The following FSD1L variants were observed in gnomAD, a reference collection of about 807,000 sequenced individuals.
The protein encoded by FSD1L is fibronectin type III and SPRY domain containing 1 like.
Under a neutral mutation model 71.6 loss-of-function variants are expected in FSD1L, and 45 were observed. That is an observed-to-expected ratio of 0.63 (90% CI 0.49 to 0.81). The LOEUF (loss-of-function observed/expected upper bound fraction) is 0.81. Ranked by LOEUF, FSD1L falls within the 30% of genes least tolerant of loss-of-function variation. The probability of loss-of-function intolerance (pLI) is 0.00; values close to 1 mark genes in which losing one functional copy is unlikely to be tolerated. For synonymous variants in FSD1L, 197 were observed against 207.2 expected (o/e 0.95, Z 0.42); for missense variants, 561 against 618.1 (o/e 0.91, Z 0.98).
At chr9:105,471,881 A>AG in intron 4 of FSD1L, 23 bp from the exon 5 acceptor site, 2 of 796,576 alleles carry the variant, frequency 2.5e-6, no homozygotes, top group Non-Finnish European at 3.7e-6. Flanking sequence ...TTAATGACTT[A>AG]GTTTTTTTTT....
At chr9:105,546,218 C>T (rs1285213812) in intron 13 of FSD1L, 140 bp from the exon 14 acceptor site, 1 of 719,236 alleles carries the variant, frequency 1.4e-6, no homozygotes, top group Non-Finnish European at 2.1e-6. Flanking sequence ...CATTTCCCCT[C>T]AGCTGAAATA....
intron 1 of FSD1L, among the ~76,000 whole-genome samples, chr9:105,448,960 C>A (rs1829812646): frequency 6.6e-6 from 1 of 152,118 alleles, no homozygotes; most frequent in Non-Finnish European, 1.5e-5. Flanking sequence ...GAGAACAAAG[C>A]CAATGTCTTG....
At chr9:105,450,726 G>T (rs1400229339) in intron 1 of FSD1L, among the ~76,000 whole-genome samples, 1 of 151,566 alleles carries the variant, frequency 6.6e-6, no homozygotes, top group Non-Finnish European at 1.5e-5. Context: ...TAGAGACGGG[G>T]TTTTACCATG....
At chr9:105,501,824 G>C (rs1185173534) in intron 7 of FSD1L, among the ~76,000 whole-genome samples, 2 of 152,008 alleles carry the variant, frequency 1.3e-5, no homozygotes, top group Non-Finnish European at 2.9e-5. Context: ...TACTTTCCAG[G>C]TTATTAAATT....
intron 3 of FSD1L, among the ~76,000 whole-genome samples, chr9:105,466,496 C>T (rs1039900034): frequency 1.3e-5 from 2 of 152,042 alleles, no homozygotes; most frequent in Admixed American, 6.6e-5. Context: ...AGTTCAAGAC[C>T]AGCCTGGCCA....
intron 4 of FSD1L, among the ~76,000 whole-genome samples, chr9:105,470,487 A>C (rs2131639460): frequency 6.6e-6 from 1 of 152,208 alleles, no homozygotes; most frequent in East Asian, 1.9e-4. Context: ...TTTATTTCAA[A>C]GTATGCTGTT....
chr9:105,494,084 C>A (rs1212884108), intron 7 of FSD1L, among the ~76,000 whole-genome samples: 1 of 152,192 alleles, frequency 6.6e-6, no homozygotes, highest in Non-Finnish European at 1.5e-5. Flanking sequence ...TGGATAATAT[C>A]CTGCAGAGTG....
chr9:105,478,280 GA>G (rs1392619691), intron 5 of FSD1L, among the ~76,000 whole-genome samples: 1 of 152,118 alleles, frequency 6.6e-6, no homozygotes, highest in African/African-American at 2.4e-5. Flanking sequence ...TTTTTGAGTA[GA>G]AAGAGTCCTC....
At chr9:105,542,731 C>CA (rs1836711780) in intron 13 of FSD1L, among the ~76,000 whole-genome samples, 1 of 152,236 alleles carries the variant, frequency 6.6e-6, no homozygotes, top group African/African-American at 2.4e-5. Flanking sequence ...CCTGGGATTA[C>CA]AGGCATGAGC....
intron 10 of FSD1L, chr9:105,530,857 G>A (rs1406253362): frequency 1.0e-5 from 4 of 384,310 alleles, no homozygotes; most frequent in Non-Finnish European, 1.9e-5. Flanking sequence ...TTAATTGATA[G>A]TATCACATAC....
intron 1 of FSD1L, among the ~76,000 whole-genome samples, chr9:105,450,614 A>T (rs1588899431): frequency 6.6e-6 from 1 of 150,988 alleles, no homozygotes; most frequent in African/African-American, 2.4e-5. Context: ...GCTTACTGCA[A>T]CCTCCGCCTC....
chr9:105,530,644 T>G (rs1403129750), intron 10 of FSD1L: 3 of 659,006 alleles, frequency 4.6e-6, no homozygotes, highest in Non-Finnish European at 8.2e-6. Context: ...TTGGGAAATA[T>G]TTTTCAGAAT....
At chr9:105,448,294 C>A in intron 1 of FSD1L, 59 bp downstream of exon 1, 5 of 584,566 alleles carry the variant, frequency 8.6e-6, no homozygotes, top group Non-Finnish European at 1.4e-5. Flanking sequence ...ACAGGGTGGG[C>A]GGGGCGCCTG....
At chr9:105,521,182 T>G (rs1346156525) in intron 10 of FSD1L, 1 of 1,614,114 alleles carries the variant, frequency 6.2e-7, no homozygotes, top group Admixed American at 1.7e-5. Context: ...CGTTGGCTGG[T>G]TTCTTTCTGG....
At position 105,454,386 on chromosome 9, in the gene FSD1L, A is replaced by G. The variant is rs139433076; in HGVS notation, c.15+6151A>G. Reference sequence around the variant, plus strand: ...TTGTTGATCCCAACCTTTTAATGTTATAAATATCACAGATAAGCATCCTTG... The same window carrying G: ...TTGTTGATCCCAACCTTTTAATGTTGTAAATATCACAGATAAGCATCCTTG... On this transcript the variant is annotated intron_variant, in intron 1 of 13. Coordinates refer to ENST00000481272, the MANE Select transcript of FSD1L (RefSeq NM_001145313.3). Among the ~76,000 whole-genome samples the G allele has an allele frequency of 1.3e-3, 192 of 152,304 alleles. 1 individual carries two copies. Among genetic ancestry groups the G allele is most frequent in the Non-Finnish European group, 2.5e-3 (170 of 68,036 alleles).
intron 13 of FSD1L, among the ~76,000 whole-genome samples, chr9:105,539,836 C>T (rs1187767602): frequency 6.6e-6 from 1 of 152,124 alleles, no homozygotes; most frequent in East Asian, 1.9e-4. Context: ...CATTCATTCT[C>T]ATAGCTGTAT....
In FSD1L at chr9:105,552,429, CT is replaced by C. The variant is rs1837305483; in HGVS notation, c.*5947del. 1 of 152,100 alleles carries C rather than the reference CT, an allele frequency of 6.6e-6. No homozygotes were observed. Among genetic ancestry groups the C allele is most frequent in the South Asian group, 2.1e-4 (1 of 4,828 alleles). 9.4% of individuals were successfully genotyped at this position (152,100 alleles called of 1,614,324 possible). A position where few individuals can be genotyped will look rare whatever the true frequency, so the allele number is the denominator to read the frequency against. On this transcript the variant is annotated 3_prime_UTR_variant, in exon 14 of 14. Transcript: ENST00000481272. ...GAATATCTCATTAAAAATTTAAAAA[CT>C]CTTTTCCTGCTCTCTTTTGCTTCAT... is the stretch of plus-strand genomic sequence containing the variant.
At chr9:105,513,713 A>T in intron 10 of FSD1L, 1 of 1,100,028 alleles carries the variant, frequency 9.1e-7, no homozygotes, top group Non-Finnish European at 1.3e-6. Context: ...TTATCTTTTA[A>T]CCAATAAGCA....
At chr9:105,531,340 C>T (rs1034945768) in intron 10 of FSD1L, among the ~76,000 whole-genome samples, 1 of 152,186 alleles carries the variant, frequency 6.6e-6, no homozygotes, top group Non-Finnish European at 1.5e-5. Context: ...TTTACTTTAA[C>T]CTCTCCTCTC....
Sources: gnomAD v4.1 joint callset for allele counts (sites outside exome capture counted in the v4.1 genomes callset) on GRCh38, gnomAD v4.1.1 for gene constraint, MANE v1.5 for transcripts, NCBI Gene and HGNC (gene_info 2026-07-23, HGNC 2026-07-21) for gene names.